Variants in HPSE2 observed in about 807,000 individuals in gnomAD.
The protein encoded by HPSE2 is heparanase 2 (inactive).
In HPSE2, 38 loss-of-function variants were observed where a neutral mutation model predicts 60.5. The ratio of observed to expected loss-of-function variants is 0.63; its 90% confidence interval spans 0.48 to 0.82. The LOEUF is 0.82. HPSE2 is among the 40% of genes least tolerant of loss of function. HPSE2 has a pLI of 0.00. For synonymous variants in HPSE2, 295 were observed against 293.2 expected, an observed-to-expected ratio of 1.01 and a Z score of -0.06; for missense variants, 713 against 740.4, an observed-to-expected ratio of 0.96 and a Z score of 0.43.
chr10:98,686,965 T>C (rs2134151643), intron 6 of HPSE2, among the ~76,000 whole-genome samples: 1 of 152,356 alleles, frequency 6.6e-6, no homozygotes, highest in South Asian at 2.1e-4. Flanking sequence ...ATATCCTTAC[T>C]GTATTTATTT....
intron 6 of HPSE2, among the ~76,000 whole-genome samples, chr10:98,666,577 AG>A (rs1239715260): frequency 6.6e-6 from 1 of 152,248 alleles, no homozygotes; most frequent in African/African-American, 2.4e-5. Context: ...AAATAATACC[AG>A]GCATACTCTT....
intron 3 of HPSE2, among the ~76,000 whole-genome samples, chr10:99,014,213 C>T (rs141305682): frequency 1.3e-5 from 2 of 152,198 alleles, no homozygotes; most frequent in Non-Finnish European, 2.9e-5. Context: ...CGCAAGCCAC[C>T]GTCCTCCCCA....
intron 2 of HPSE2, among the ~76,000 whole-genome samples, chr10:99,197,104 G>A (rs1848425560): frequency 6.6e-6 from 1 of 152,168 alleles, no homozygotes; most frequent in Non-Finnish European, 1.5e-5. Flanking sequence ...ATTATGTTAA[G>A]TGAAATAAGC....
At chr10:99,160,885 C>T (rs1165715233) in intron 2 of HPSE2, among the ~76,000 whole-genome samples, 2 of 117,544 alleles carry the variant, frequency 1.7e-5, no homozygotes, top group Admixed American at 2.4e-4. Flanking sequence ...GGCGACACAG[C>T]GAGACTCCGT....
At chr10:98,562,974 AAAACAAAC>A (rs368025622) in intron 9 of HPSE2, among the ~76,000 whole-genome samples, 10 of 152,204 alleles carry the variant, frequency 6.6e-5, no homozygotes, top group African/African-American at 2.4e-4. Flanking sequence ...TCTGGCTTAA[AAAACAAAC>A]AAACAAACAA....
chr10:99,276,894 G>T, the HPSE2 span, among the ~76,000 whole-genome samples: 4 of 152,132 alleles, frequency 2.6e-5, no homozygotes, highest in Admixed American at 6.6e-5. Context: ...GAGCATATTT[G>T]TAAATTTAAA....
At chr10:99,091,356 A>G (rs1843506013) in intron 3 of HPSE2, among the ~76,000 whole-genome samples, 1 of 152,146 alleles carries the variant, frequency 6.6e-6, no homozygotes, top group Non-Finnish European at 1.5e-5. Context: ...AAAGAGAATA[A>G]ATAACACTAT....
the HPSE2 span, among the ~76,000 whole-genome samples, chr10:99,255,121 G>A: frequency 6.6e-6 from 1 of 152,010 alleles, no homozygotes; most frequent in African/African-American, 2.4e-5. Context: ...TTTTCTTTCA[G>A]CCTAGTTGAA....
intron 8 of HPSE2, 102 bp downstream of exon 8, chr10:98,620,500 C>CA: frequency 1.2e-6 from 1 of 820,278 alleles, no homozygotes; most frequent in Non-Finnish European, 2.1e-6. Flanking sequence ...CAACGGGAAA[C>CA]ATGCCTCACC....
intron 3 of HPSE2, among the ~76,000 whole-genome samples, chr10:98,990,623 TATA>T (rs1956500305): frequency 6.6e-6 from 1 of 152,212 alleles, no homozygotes. Flanking sequence ...TGAAAGCACT[TATA>T]ATACCATGAT....
At chr10:98,939,946 C>A (rs1414105004) in intron 3 of HPSE2, among the ~76,000 whole-genome samples, 1 of 143,776 alleles carries the variant, frequency 7.0e-6, no homozygotes, top group Non-Finnish European at 1.5e-5. Context: ...AACCGCTCAA[C>A]TACATGGAAA....
intron 3 of HPSE2, among the ~76,000 whole-genome samples, chr10:98,796,473 T>C (rs1310565117): frequency 6.6e-6 from 1 of 152,174 alleles, no homozygotes; most frequent in African/African-American, 2.4e-5. Context: ...GGAAGGACTT[T>C]GTATTGTGGT....
chr10:99,098,000 C>T (rs149501857), intron 3 of HPSE2, among the ~76,000 whole-genome samples: 17 of 152,280 alleles, frequency 1.1e-4, no homozygotes, highest in Middle Eastern at 3.4e-3. Context: ...CTATACTTCC[C>T]GCTGAGGGTC....
At chr10:98,872,736 C>T (rs185634664) in intron 3 of HPSE2, among the ~76,000 whole-genome samples, 1 of 152,156 alleles carries the variant, frequency 6.6e-6, no homozygotes, top group Non-Finnish European at 1.5e-5. Context: ...AAGAAAATAT[C>T]CGGAAAATGC....
chr10:99,023,079 C>T (rs1400650754), intron 3 of HPSE2, among the ~76,000 whole-genome samples: 1 of 152,050 alleles, frequency 6.6e-6, no homozygotes, highest in Non-Finnish European at 1.5e-5. Context: ...TGACTCTTGG[C>T]CATTTCTGGA....
intron 4 of HPSE2, among the ~76,000 whole-genome samples, chr10:98,736,213 G>GTTT (rs71938270): frequency 0.052 from 7,806 of 149,226 alleles, 409 homozygotes; most frequent in African/African-American, 0.13. Flanking sequence ...CTTTTGCTTG[G>GTTT]TTTTTTTTTT....
chr10:98,655,310 T>C (rs1212117666), intron 6 of HPSE2, among the ~76,000 whole-genome samples: 1 of 152,134 alleles, frequency 6.6e-6, no homozygotes, highest in Non-Finnish European at 1.5e-5. Context: ...CTAGGAAACC[T>C]TTTTTGGATC....
chr10:99,274,470 G>C, the HPSE2 span, among the ~76,000 whole-genome samples: 4 of 152,020 alleles, frequency 2.6e-5, no homozygotes, highest in Non-Finnish European at 5.9e-5. Flanking sequence ...TTATTTTTAA[G>C]ACTCAGTTTT....
chr10:99,208,468 T>C (rs1180562951), intron 2 of HPSE2, among the ~76,000 whole-genome samples: 1 of 152,150 alleles, frequency 6.6e-6, no homozygotes, highest in African/African-American at 2.4e-5. Flanking sequence ...GCATATTTCT[T>C]GAGCCCAGGA....
Sources: gnomAD v4.1 joint callset for allele counts (sites outside exome capture counted in the v4.1 genomes callset) on GRCh38, gnomAD v4.1.1 for gene constraint, MANE v1.5 for transcripts, NCBI Gene and HGNC (gene_info 2026-07-23, HGNC 2026-07-21) for gene names.